RPRD2: variants seen among roughly 807,000 people sequenced by gnomAD.
RPRD2 encodes regulation of nuclear pre-mRNA domain containing 2.
Under a neutral mutation model 104.4 loss-of-function variants are expected in RPRD2, and 12 were observed. The ratio of observed to expected loss-of-function variants is 0.11; its 90% CI spans 0.07 to 0.19. RPRD2 has a LOEUF of 0.19. Among genes scored for constraint, RPRD2 ranks in the 10% least tolerant of loss-of-function variants. The pLI is 1.00. For missense variants in RPRD2, 1,543 were observed against 1,790.1 expected, an observed-to-expected ratio of 0.86 and a Z score of 2.49; for synonymous variants, 714 against 684.9, an observed-to-expected ratio of 1.04 and a Z score of -0.66.
chr1:150,440,514 T>C (rs1666344992), intron 2 of RPRD2, among the ~76,000 whole-genome samples: 1 of 152,214 alleles, frequency 6.6e-6, no homozygotes. Context: ...TGTTACAGTA[T>C]GTGATTGGTT....
At position 150,472,840 on chromosome 1, in the gene RPRD2, C is replaced by T. The variant is rs202188814; in HGVS notation, c.3892C>T (p.Pro1298Ser). Residue 1298 changes from proline (P) to serine (S), a missense_variant, in exon 11 of 11, where the codon CCT becomes TCT. Physicochemically the swap from Pro to Ser is moderately conservative, Grantham distance 74 (BLOSUM62 -1). Around this residue, in one of 4 missense-constraint regions of RPRD2, gnomAD observed 880 missense variants for 885.6 expected, o/e 0.99. Transcript: ENST00000369068. ...TTCTACTCCACCCCCTCCTCCACCC[C>T]CTGTTGACCACTCTGGAGTTGTACC... ...PFSTPPPPPP[P>S]VDHSGVVPFP... 19 of 1,612,546 alleles carry T rather than the reference C, an allele frequency of 1.2e-5. No homozygotes were observed. The highest frequency in any genetic ancestry group is 2.2e-5 in the East Asian group (1 of 44,826).
At chr1:150,378,316 ATAAAT>A (rs1462249409) in intron 1 of RPRD2, among the ~76,000 whole-genome samples, 1 of 152,184 alleles carries the variant, frequency 6.6e-6, no homozygotes, top group East Asian at 1.9e-4. Flanking sequence ...ATAAATGACA[ATAAAT>A]TAAGTACTTG....
chr1:150,445,172 C>G (rs587728933), intron 6 of RPRD2, among the ~76,000 whole-genome samples: 2 of 152,132 alleles, frequency 1.3e-5, no homozygotes, highest in Admixed American at 1.3e-4. Flanking sequence ...CAGAAGAGAC[C>G]GTCTCTAAAG....
intron 1 of RPRD2, among the ~76,000 whole-genome samples, chr1:150,414,977 G>T (rs1010840584): frequency 6.6e-6 from 1 of 152,078 alleles, no homozygotes; most frequent in Non-Finnish European, 1.5e-5. Flanking sequence ...TAGGAGAGAC[G>T]TGCATATACA....
At chr1:150,454,173 A>G (rs964344069) in intron 7 of RPRD2, among the ~76,000 whole-genome samples, 8 of 152,160 alleles carry the variant, frequency 5.3e-5, no homozygotes, top group Non-Finnish European at 5.9e-5. Context: ...TCTCTCTTTC[A>G]TCAGAATCTT....
Position 150,468,123 on chromosome 1 carries a change from G to C in RPRD2, c.1613-2438G>C, listed in dbSNP as rs1013015767. On this transcript the variant is annotated intron_variant, in intron 10 of 10. Coordinates refer to ENST00000369068, the MANE Select transcript of RPRD2 (RefSeq NM_015203.5). ...GTTGCAGTGAGCCAGCCTGGGCGAC[G>C]AGCAAAACTCTGTCTCAAAAAAAGA... Among the ~76,000 whole-genome samples the C allele has an allele frequency of 2.0e-5, 3 of 152,018 alleles. No individual in the cohort carries two copies. The South Asian group carries it at 6.2e-4, about 32-fold the overall frequency.
At chr1:150,396,255 A>G (rs1158725754) in intron 1 of RPRD2, among the ~76,000 whole-genome samples, 1 of 148,776 alleles carries the variant, frequency 6.7e-6, no homozygotes, top group Admixed American at 6.7e-5. Context: ...GAAATTAATC[A>G]TTTGTTAGAC....
At chr1:150,434,354 T>C (rs1281564369) in intron 2 of RPRD2, among the ~76,000 whole-genome samples, 1 of 152,144 alleles carries the variant, frequency 6.6e-6, no homozygotes, top group Non-Finnish European at 1.5e-5. Context: ...AGACTGTCTA[T>C]GTATATATAT....
chr1:150,444,772 C>A (rs1179229858), intron 6 of RPRD2, among the ~76,000 whole-genome samples: 1 of 152,108 alleles, frequency 6.6e-6, no homozygotes, highest in Non-Finnish European at 1.5e-5. Context: ...TTGATTTGTT[C>A]ATTGCTATAC....
At chr1:150,390,085 A>C (rs1293728063) in intron 1 of RPRD2, among the ~76,000 whole-genome samples, 1 of 152,236 alleles carries the variant, frequency 6.6e-6, no homozygotes, top group African/African-American at 2.4e-5. Context: ...AAATTCAACA[A>C]AATATAAGCT....
chr1:150,450,682 G>A (rs1414370373), intron 7 of RPRD2, among the ~76,000 whole-genome samples: 3 of 148,022 alleles, frequency 2.0e-5, no homozygotes, highest in Non-Finnish European at 4.5e-5. Context: ...GTGCAGTGGC[G>A]CAATCTCGGC....
chr1:150,472,638 T>G lies in RPRD2; in HGVS notation c.3690T>G (p.Asp1230Glu). 1 of 1,613,872 alleles carries G rather than the reference T, an allele frequency of 6.2e-7. No homozygotes were observed. Among genetic ancestry groups the G allele is most frequent in the Non-Finnish European group, 8.5e-7 (1 of 1,179,798 alleles). Residue 1230 changes from aspartate (D) to glutamate (E), a missense_variant, in exon 11 of 11, where the codon GAT becomes GAG. Coordinates refer to ENST00000369068, the MANE Select transcript of RPRD2 (RefSeq NM_015203.5). Reference sequence around the variant, plus strand: ...ATCATGGTGGTATCTTCTCTCGAGATGCACCCACTCATCTACCCTCTGTGG... The same window carrying G: ...ATCATGGTGGTATCTTCTCTCGAGAGGCACCCACTCATCTACCCTCTGTGG... ...PKDHGGIFSR[D>E]APTHLPSVDL...
intron 9 of RPRD2, 56 bp from the exon 10 acceptor site, chr1:150,464,471 C>G (rs149122001): frequency 1.2e-5 from 17 of 1,376,922 alleles, no homozygotes; most frequent in Middle Eastern, 4.9e-4. Context: ...GGGGAAGTAT[C>G]GGAAATTGAA....
At chr1:150,385,962 A>G (rs1560156703) in intron 1 of RPRD2, among the ~76,000 whole-genome samples, 1 of 152,072 alleles carries the variant, frequency 6.6e-6, no homozygotes, top group Non-Finnish European at 1.5e-5. Flanking sequence ...GAGTTTCCTG[A>G]GTTGAGTAAT....
chr1:150,402,995 C>T (rs1457847221), intron 1 of RPRD2, among the ~76,000 whole-genome samples: 4 of 151,878 alleles, frequency 2.6e-5, no homozygotes, highest in African/African-American at 7.3e-5. Context: ...AAAAGATCCC[C>T]GTTTCAGAAA....
At chr1:150,413,762 C>T (rs1249790728) in intron 1 of RPRD2, among the ~76,000 whole-genome samples, 1 of 150,204 alleles carries the variant, frequency 6.7e-6, no homozygotes, top group Non-Finnish European at 1.5e-5. Flanking sequence ...CCCGTCTCTA[C>T]TTAAACTACA....
At chr1:150,392,506 A>T (rs1662165755) in intron 1 of RPRD2, among the ~76,000 whole-genome samples, 1 of 152,204 alleles carries the variant, frequency 6.6e-6, no homozygotes, top group Non-Finnish European at 1.5e-5. Context: ...CTCCAAAAAA[A>T]ATTGGGTAAA....
Position 150,428,575 on chromosome 1 carries a change from T to A in RPRD2, c.335+10850T>A, listed in dbSNP as rs887308556. Among the ~76,000 whole-genome samples, 85 of 151,994 alleles carry A rather than the reference T, an allele frequency of 5.6e-4. 2 individuals are homozygous for A. The highest frequency in any genetic ancestry group is 1.2e-4 in the Non-Finnish European group (8 of 67,970). On this transcript the variant is annotated intron_variant, in intron 2 of 10. Transcript: ENST00000369068. ...GATCCTTCCTCCCTCCCTTTCCCTG[T>A]CTCGAGCTATTCTCATGCGTCAGCC... is the stretch of plus-strand genomic sequence containing the variant.
Position 150,464,718 on chromosome 1 carries a change from G to C in RPRD2, c.1603G>C (p.Ala535Pro), listed in dbSNP as rs781921613. The C allele has an allele frequency of 6.2e-7, 1 of 1,611,632 alleles. No homozygotes were observed. The highest frequency in any genetic ancestry group is 8.5e-7 in the Non-Finnish European group (1 of 1,178,706). Residue 535 changes from alanine (A) to proline (P), a missense_variant, in exon 10 of 11, where the codon GCA becomes CCA. Ala to Pro is a conservative substitution (Grantham distance 27). This residue lies in a region of RPRD2 where 572 missense variants were observed against 787.3 expected (regional missense o/e 0.73). Coordinates refer to ENST00000369068, the MANE Select transcript of RPRD2 (RefSeq NM_015203.5). ...LSKTQTQSAP[A>P]LQGLSSLLQS... ...CAAAACCCAGACACAGTCAGCCCCT[G>C]CACTGCAAGGTAACTGACATATGCC...
Sources: allele counts gnomAD v4.1 joint callset (sites outside exome capture counted in the v4.1 genomes callset), GRCh38; gene constraint gnomAD v4.1.1; regional missense constraint gnomAD v4.1.1; transcripts MANE v1.5; gene names NCBI Gene and HGNC (gene_info 2026-07-23, HGNC 2026-07-21).